DZIP3: variants seen among roughly 807,000 people sequenced by gnomAD.
DZIP3 encodes E3 ubiquitin-protein ligase DZIP3.
Under a neutral mutation model 162.0 loss-of-function variants are expected in DZIP3, and 118 were observed. The observed-to-expected ratio is 0.73, with a 90% confidence interval of 0.63 to 0.85. DZIP3 has a LOEUF of 0.85. Ranked by LOEUF, DZIP3 falls within the 40% of genes least tolerant of loss-of-function variation. The pLI is 0.00. For missense variants in DZIP3, 1,331 were observed against 1,407.0 expected (o/e 0.95, Z 0.86); for synonymous variants, 438 against 458.6 (o/e 0.96, Z 0.57).
chr3:108,631,055 A>ACACACATACATACACT, intron 8 of DZIP3, among the ~76,000 whole-genome samples: 1 of 18,006 alleles, frequency 5.6e-5, no homozygotes, highest in African/African-American at 2.8e-4. Flanking sequence ...ACACACACAC[A>ACACACATACATACACT]CTCTCTCTCT....
chr3:108,620,452 A>G (rs972645870), intron 5 of DZIP3, among the ~76,000 whole-genome samples: 1 of 152,228 alleles, frequency 6.6e-6, no homozygotes, highest in African/African-American at 2.4e-5. Flanking sequence ...AGCAGGACTT[A>G]ATAAGGATAA....
chr3:108,637,462 C>CT (rs1406659458), intron 11 of DZIP3, 34 bp from the exon 12 acceptor site: 1 of 1,599,232 alleles, frequency 6.3e-7, no homozygotes, highest in South Asian at 1.1e-5. Flanking sequence ...AATTGAACTA[C>CT]TTTAGGGCTA....
rs563279210 is a variant in DZIP3, at chr3:108,597,547, A to G, written c.-73+7708A>G. Reference sequence around the variant, plus strand: ...TATTTCTTGAAGACCTATCTTCAAGATAGGTGCAGAGCATGGGTCTTTGCT... The same window carrying G: ...TATTTCTTGAAGACCTATCTTCAAGGTAGGTGCAGAGCATGGGTCTTTGCT... On this transcript the variant is annotated intron_variant, in intron 1 of 32. Transcript: ENST00000361582. 4.6e-5 allele frequency among the ~76,000 whole-genome samples: 7 copies of G among 152,306 alleles called. No individual in the cohort carries two copies. The South Asian group carries it at 1.2e-3, about 27-fold the overall frequency.
chr3:108,631,055 A>ACACTCTCTCTCTCT, intron 8 of DZIP3, among the ~76,000 whole-genome samples: 8 of 18,012 alleles, frequency 4.4e-4, no homozygotes, highest in Non-Finnish European at 5.4e-4. Context: ...ACACACACAC[A>ACACTCTCTCTCTCT]CTCTCTCTCT....
rs74943554 is a variant in DZIP3 at position 108,593,907 on chromosome 3, C to T, written c.-73+4068C>T. Among the ~76,000 whole-genome samples, 1,043 of 152,004 alleles carry T rather than the reference C, an allele frequency of 6.9e-3. 5 individuals are homozygous for T. Among genetic ancestry groups the T allele is most frequent in the African/African-American group, 0.024 (983 of 41,488 alleles). On this transcript the variant is annotated intron_variant, in intron 1 of 32. Coordinates refer to ENST00000361582, the MANE Select transcript of DZIP3 (RefSeq NM_014648.4). ...CTCGAACTCCTGGTCTCGAGTGATC[C>T]GCTCGCCTCAGCTTCCTAAAGTCCT... is the stretch of plus-strand genomic sequence containing the variant.
chr3:108,631,008 TAC>T (rs779771238), intron 8 of DZIP3, among the ~76,000 whole-genome samples: 773 of 27,330 alleles, frequency 0.028, 14 homozygotes, highest in Non-Finnish European at 0.035. Flanking sequence ...ATACATCCCC[TAC>T]ACACACACAC....
At chr3:108,592,209 TAA>T in intron 1 of DZIP3, among the ~76,000 whole-genome samples, 1 of 152,230 alleles carries the variant, frequency 6.6e-6, no homozygotes, top group Non-Finnish European at 1.5e-5. Flanking sequence ...TTCTAAAGGA[TAA>T]CCAGGATAAT....
chr3:108,644,612 G>T lies in DZIP3; in HGVS notation c.1590G>T (p.Trp530Cys), dbSNP rs913596832. 6.2e-7 allele frequency: 1 copy of T among 1,613,990 alleles called. No homozygotes were observed. Among genetic ancestry groups the T allele is most frequent in the Admixed American group, 1.7e-5 (1 of 60,000 alleles). The change falls in exon 14 of 33, where the codon TGG becomes TGT. Residue 530 changes from tryptophan to cysteine, a missense_variant. Trp to Cys is a radical substitution (Grantham distance 215). This residue lies in a region of DZIP3 where 1,278 missense variants were observed against 1,317.1 expected (regional missense o/e 0.97). Coordinates refer to ENST00000361582, the MANE Select transcript of DZIP3 (RefSeq NM_014648.4). Reference sequence around the variant, plus strand: ...CTGAGTCACAGTTCAATTCAATTTGGAAAAAAGTTTCAGATATTCTTCTGC... The same window carrying T: ...CTGAGTCACAGTTCAATTCAATTTGTAAAAAAGTTTCAGATATTCTTCTGC... ...GLTESQFNSI[W>C]KKVSDILLRL...
At chr3:108,677,819 G>A (rs1008821029) in intron 26 of DZIP3, among the ~76,000 whole-genome samples, 7 of 151,994 alleles carry the variant, frequency 4.6e-5, no homozygotes, top group Admixed American at 3.9e-4. Flanking sequence ...TTTTAGTGAA[G>A]CATTTGATAT....
intron 7 of DZIP3, among the ~76,000 whole-genome samples, chr3:108,627,969 C>T (rs1315061478): frequency 6.6e-6 from 1 of 152,148 alleles, no homozygotes; most frequent in African/African-American, 2.4e-5. Context: ...ACCTCCAACT[C>T]CCTGGTTCAA....
chr3:108,611,516 T>C lies in DZIP3; in HGVS notation c.258+187T>C, dbSNP rs1315812743. Among the ~76,000 whole-genome samples the C allele has an allele frequency of 1.3e-5, 2 of 152,170 alleles. 1 individual carries two copies. The highest frequency in any genetic ancestry group is 3.9e-4 in the East Asian group (2 of 5,192). ...CTAAAAAGTTGAACAAATAGAGTCATTTGGTGCTAGCCTTTTAAGAATAAT... is the reference window on the plus strand; with the variant it reads ...CTAAAAAGTTGAACAAATAGAGTCACTTGGTGCTAGCCTTTTAAGAATAAT... On this transcript the variant is annotated intron_variant, in intron 4 of 32. Coordinates refer to ENST00000361582, the MANE Select transcript of DZIP3 (RefSeq NM_014648.4).
chr3:108,611,213 G>T lies in DZIP3; in HGVS notation c.142G>T (p.Val48Phe), dbSNP rs760286325. 23 of 1,608,902 alleles carry T rather than the reference G, an allele frequency of 1.4e-5. No individual in the cohort carries two copies. Among genetic ancestry groups the T allele is most frequent in the Non-Finnish European group, 1.9e-5 (22 of 1,178,688 alleles). ...TGACATACCTACTGATCTTGTCCCT[G>T]TTAACCTACTATTAGAAGTGAAGAA... is the stretch of plus-strand genomic sequence containing the variant. ...ENDIPTDLVP[V>F]NLLLEVKKLL... Residue 48 changes from valine (V) to phenylalanine (F), a missense_variant, in exon 4 of 33, where the codon GTT becomes TTT. Val to Phe is a conservative substitution (Grantham distance 50). Coordinates refer to ENST00000361582, the MANE Select transcript of DZIP3 (RefSeq NM_014648.4).
At chr3:108,630,894 T>C (rs776996298) in intron 8 of DZIP3, among the ~76,000 whole-genome samples, 2 of 151,960 alleles carry the variant, frequency 1.3e-5, no homozygotes, top group African/African-American at 4.8e-5. Flanking sequence ...ACATTTTTCT[T>C]TGATGTTTAC....
intron 19 of DZIP3, among the ~76,000 whole-genome samples, chr3:108,655,994 G>T (rs979570715): frequency 5.3e-5 from 8 of 152,184 alleles, no homozygotes; most frequent in Non-Finnish European, 8.8e-5. Context: ...CAAAGCGGCC[G>T]GGAAGCTCAA....
At chr3:108,641,711 A>G (rs896426818) in intron 12 of DZIP3, among the ~76,000 whole-genome samples, 1 of 152,174 alleles carries the variant, frequency 6.6e-6, no homozygotes, top group Non-Finnish European at 1.5e-5. Flanking sequence ...TCATATTGTC[A>G]GAGTTTTACA....
chr3:108,652,035 G>A (rs955147419), intron 18 of DZIP3, among the ~76,000 whole-genome samples: 6 of 148,852 alleles, frequency 4.0e-5, no homozygotes, highest in African/African-American at 1.5e-4. Context: ...TGAGCCACTG[G>A]AGCAATAGTT....
chr3:108,635,527 AAT>A (rs922416345), intron 10 of DZIP3, among the ~76,000 whole-genome samples: 28 of 147,782 alleles, frequency 1.9e-4, no homozygotes, highest in African/African-American at 6.6e-4. Context: ...CATTATATAT[AAT>A]AGTTATAATT....
chr3:108,644,314 T>C lies in DZIP3; in HGVS notation c.1292T>C (p.Val431Ala). Residue 431 changes from valine (V) to alanine (A), a missense_variant, in exon 14 of 33, where the codon GTG (valine) becomes GCG (alanine). Physicochemically the swap from Val to Ala is moderately conservative, Grantham distance 64. Transcript: ENST00000361582. ...AAAGAGCTTCTTATACACAAGAATG[T>C]GCTGGAATCCTACTACAACCATCTT... The part of the protein sequence containing the change: ...LKKELLIHKN[V>A]LESYYNHLWT... The C allele has an allele frequency of 6.2e-7, 1 of 1,614,098 alleles. No individual in the cohort carries two copies. Among genetic ancestry groups the C allele is most frequent in the Non-Finnish European group, 8.5e-7 (1 of 1,179,966 alleles).
At chr3:108,643,877 G>GT (rs1942505758) in intron 13 of DZIP3, among the ~76,000 whole-genome samples, 1 of 152,048 alleles carries the variant, frequency 6.6e-6, no homozygotes, top group Non-Finnish European at 1.5e-5. Context: ...ATGCCATGTT[G>GT]TTGCTAAAGG....
Sources: gnomAD v4.1 joint callset for allele counts (sites outside exome capture counted in the v4.1 genomes callset) on GRCh38, gnomAD v4.1.1 for gene constraint, gnomAD v4.1.1 regional missense constraint, MANE v1.5 for transcripts, NCBI Gene and HGNC (gene_info 2026-07-23, HGNC 2026-07-21) for gene names.